The following ST6GALNAC3 variants were observed in gnomAD, a reference collection of about 807,000 sequenced individuals.
The protein encoded by ST6GALNAC3 is alpha-N-acetylgalactosaminide alpha-2,6-sialyltransferase 3.
ST6GALNAC3 carries 25 observed loss-of-function variants against 32.7 expected under a neutral mutation model. That is an observed-to-expected ratio of 0.76 (90% CI 0.56 to 1.07). The LOEUF is 1.07. Ranked by LOEUF, ST6GALNAC3 falls within the 50% of genes least tolerant of loss-of-function variation. The pLI is 0.00. For missense variants in ST6GALNAC3, 355 were observed against 382.4 expected (o/e 0.93, Z 0.60); for synonymous variants, 129 against 133.1 (o/e 0.97, Z 0.21).
intron 3 of ST6GALNAC3, among the ~76,000 whole-genome samples, chr1:76,456,103 T>C (rs1194959525): frequency 6.6e-6 from 1 of 152,014 alleles, no homozygotes; most frequent in Admixed American, 6.6e-5. Context: ...ACCCACGAGG[T>C]TGTGGTTGCA....
chr1:76,342,927 G>T lies in ST6GALNAC3; in HGVS notation c.213+28928G>T, dbSNP rs189912201. Among the ~76,000 whole-genome samples the T allele has an allele frequency of 6.4e-3, 955 of 149,762 alleles. 5 individuals carry two copies. The highest frequency in any genetic ancestry group is 0.022 in the African/African-American group (895 of 40,796). On this transcript the variant is annotated intron_variant, in intron 2 of 4. Coordinates refer to ENST00000328299, the MANE Select transcript of ST6GALNAC3 (RefSeq NM_152996.4). ...CCACTTTTTAATGGGGTTATTTGTGGTTTTTTTCTTGTTGACTTAAGTTAA... is the reference window on the plus strand; with the variant it reads ...CCACTTTTTAATGGGGTTATTTGTGTTTTTTTTCTTGTTGACTTAAGTTAA...
At position 76,610,892 on chromosome 1, in the gene ST6GALNAC3, T is replaced by G. The variant is rs557421322; in HGVS notation, c.624-16560T>G. Among the ~76,000 whole-genome samples, 3 of 152,292 alleles carry G rather than the reference T, an allele frequency of 2.0e-5. No homozygotes were observed. The South Asian group carries it at 6.2e-4, about 32-fold the overall frequency. On this transcript the variant is annotated intron_variant, in intron 3 of 4. Coordinates refer to ENST00000328299, the MANE Select transcript of ST6GALNAC3 (RefSeq NM_152996.4). ...ATTAAAAAGCGAAATACCTTAGCCA[T>G]GCATTCCAGCCTCATAGCAGGCGCC...
At chr1:76,534,698 G>A (rs1195344560) in intron 3 of ST6GALNAC3, among the ~76,000 whole-genome samples, 2 of 152,072 alleles carry the variant, frequency 1.3e-5, no homozygotes, top group African/African-American at 2.4e-5. Context: ...TGTTTATTCA[G>A]TGAACTGAAT....
At position 76,629,675 on chromosome 1, in the gene ST6GALNAC3, G is replaced by T. The variant is rs978858392; in HGVS notation, c.*869G>T. The T allele has an allele frequency of 7.4e-5, 73 of 985,302 alleles. No homozygotes were observed. Among genetic ancestry groups the T allele is most frequent in the Non-Finnish European group, 8.7e-5 (72 of 829,662 alleles). 61.0% of individuals were successfully genotyped at this position (985,302 alleles called of 1,614,324 possible). The stretch of plus-strand genomic sequence containing the variant: ...AACATTCCTAAAAAGTAACCAAAGG[G>T]TTTGCTAACTCTGCTTCAACATCCA... On this transcript the variant is annotated 3_prime_UTR_variant, in exon 5 of 5. Transcript: ENST00000328299.
intron 3 of ST6GALNAC3, among the ~76,000 whole-genome samples, chr1:76,438,288 A>G (rs1656305506): frequency 6.6e-6 from 1 of 151,946 alleles, no homozygotes; most frequent in African/African-American, 2.4e-5. Flanking sequence ...AGTAGCTGGG[A>G]CTACAGGCGC....
At chr1:76,208,065 A>T (rs1414030802) in intron 1 of ST6GALNAC3, among the ~76,000 whole-genome samples, 1 of 141,040 alleles carries the variant, frequency 7.1e-6, no homozygotes, top group African/African-American at 2.7e-5. Context: ...AAAATAGTTC[A>T]CCCAGAACCC....
intron 1 of ST6GALNAC3, among the ~76,000 whole-genome samples, chr1:76,221,039 A>G (rs754971939): frequency 3.3e-5 from 5 of 152,166 alleles, no homozygotes; most frequent in African/African-American, 1.2e-4. Context: ...CAATCAATGC[A>G]GCCTGGTGCA....
intron 1 of ST6GALNAC3, among the ~76,000 whole-genome samples, chr1:76,178,767 G>C (rs1653000193): frequency 6.6e-6 from 1 of 152,234 alleles, no homozygotes; most frequent in Admixed American, 6.5e-5. Flanking sequence ...AGTCGGTTCA[G>C]AGCAGAGCTC....
intron 3 of ST6GALNAC3, among the ~76,000 whole-genome samples, chr1:76,455,673 T>C (rs1157403569): frequency 6.6e-6 from 1 of 152,200 alleles, no homozygotes; most frequent in Non-Finnish European, 1.5e-5. Flanking sequence ...GCCTTCTCTC[T>C]GGGAGAGGAC....
In ST6GALNAC3 at chr1:76,293,271, A is replaced by G. The variant is rs552726821; in HGVS notation, c.19-20534A>G. On this transcript the variant is annotated intron_variant, in intron 1 of 4. Transcript: ENST00000328299. ...TGATTTTGCCAATAATGCTGTTACC[A>G]TGGTGTTGTATCTTTTGCAGATTTG... is the stretch of plus-strand genomic sequence containing the variant. Among the ~76,000 whole-genome samples, 3 of 152,226 alleles carry G rather than the reference A, an allele frequency of 2.0e-5. No individual in the cohort carries two copies. The East Asian group carries it at 5.8e-4, about 29-fold the overall frequency.
At chr1:76,319,550 T>C (rs551312772) in intron 2 of ST6GALNAC3, among the ~76,000 whole-genome samples, 1 of 152,270 alleles carries the variant, frequency 6.6e-6, no homozygotes, top group East Asian at 1.9e-4. Flanking sequence ...TTTAAATAAA[T>C]GTACACATGT....
intron 1 of ST6GALNAC3, among the ~76,000 whole-genome samples, chr1:76,308,623 T>A (rs1398486963): frequency 1.3e-5 from 2 of 152,168 alleles, no homozygotes; most frequent in Admixed American, 1.3e-4. Flanking sequence ...GTTGATGGAC[T>A]CAAAACAGTT....
intron 2 of ST6GALNAC3, among the ~76,000 whole-genome samples, chr1:76,395,870 C>T (rs778714054): frequency 4.0e-5 from 6 of 151,854 alleles, no homozygotes; most frequent in Admixed American, 1.3e-4. Flanking sequence ...ACAAATACAC[C>T]ATTAGAAGGA....
intron 1 of ST6GALNAC3, among the ~76,000 whole-genome samples, chr1:76,195,507 A>G (rs1654152663): frequency 6.6e-6 from 1 of 152,220 alleles, no homozygotes; most frequent in Non-Finnish European, 1.5e-5. Flanking sequence ...ACTAGTATTT[A>G]TTTTATTGAG....
chr1:76,522,551 C>T (rs554138621), intron 3 of ST6GALNAC3, among the ~76,000 whole-genome samples: 1 of 152,144 alleles, frequency 6.6e-6, no homozygotes, highest in Admixed American at 6.5e-5. Flanking sequence ...CTCTGTCCAG[C>T]TTGGTACTGT....
intron 3 of ST6GALNAC3, among the ~76,000 whole-genome samples, chr1:76,565,692 C>G (rs1665513949): frequency 6.6e-6 from 1 of 152,202 alleles, no homozygotes; most frequent in South Asian, 2.1e-4. Flanking sequence ...TCATTTCTAA[C>G]AGAACCAGTT....
chr1:76,085,687 G>C (rs530573755), intron 1 of ST6GALNAC3, among the ~76,000 whole-genome samples: 3 of 152,284 alleles, frequency 2.0e-5, no homozygotes, highest in Non-Finnish European at 4.4e-5. Flanking sequence ...TATGACTCAA[G>C]AATTTGTATC....
chr1:76,194,191 A>T (rs936147031), intron 1 of ST6GALNAC3, among the ~76,000 whole-genome samples: 31 of 152,232 alleles, frequency 2.0e-4, no homozygotes, highest in African/African-American at 7.0e-4. Flanking sequence ...ATTTACTCAA[A>T]TCTGGGTTCA....
At chr1:76,602,191 G>T (rs1306301029) in intron 3 of ST6GALNAC3, among the ~76,000 whole-genome samples, 1 of 152,146 alleles carries the variant, frequency 6.6e-6, no homozygotes, top group Non-Finnish European at 1.5e-5. Flanking sequence ...ACATAGGAAT[G>T]AGTTTCAGTG....
Sources: gnomAD v4.1 joint callset for allele counts (sites outside exome capture counted in the v4.1 genomes callset) on GRCh38, gnomAD v4.1.1 for gene constraint, MANE v1.5 for transcripts, NCBI Gene and HGNC (gene_info 2026-07-23, HGNC 2026-07-21) for gene names.